Variants in ALPK1 observed in about 807,000 individuals in gnomAD.
ALPK1 encodes the protein alpha kinase 1, also known as alpha-protein kinase 1.
Under a neutral mutation model 120.6 loss-of-function variants are expected in ALPK1, and 110 were observed. The ratio of observed to expected loss-of-function variants is 0.91; its 90% CI spans 0.78 to 1.07. The LOEUF (loss-of-function observed/expected upper bound fraction) is 1.07, where lower values mean the gene tolerates loss of function less well. Among genes scored for constraint, ALPK1 ranks in the 50% least tolerant of loss-of-function variants. The pLI, the probability that ALPK1 is intolerant of heterozygous loss-of-function variation, is 0.00. For synonymous variants in ALPK1, 582 were observed against 560.3 expected (o/e 1.04, Z -0.55); for missense variants, 1,498 against 1,483.9 (o/e 1.01, Z -0.16).
intron 4 of ALPK1, among the ~76,000 whole-genome samples, chr4:112,386,339 C>G (rs568030763): frequency 1.3e-5 from 2 of 152,270 alleles, no homozygotes; most frequent in South Asian, 2.1e-4. Context: ...TCCGCGCTCT[C>G]CCAGAAAAAA....
intron 2 of ALPK1, among the ~76,000 whole-genome samples, chr4:112,349,602 A>G (rs894090441): frequency 8.1e-6 from 1 of 124,070 alleles, no homozygotes; most frequent in Non-Finnish European, 1.6e-5. Context: ...CACCCAGGCT[A>G]GAGTGCAGTG....
At chr4:112,433,005 C>T (rs377146860) in intron 11 of ALPK1, among the ~76,000 whole-genome samples, 32 of 152,328 alleles carry the variant, frequency 2.1e-4, no homozygotes, top group East Asian at 3.9e-4. Flanking sequence ...TCTTCTCCTT[C>T]GAGTCTTTTT....
At chr4:112,398,851 G>A (rs1197925912) in intron 4 of ALPK1, among the ~76,000 whole-genome samples, 1 of 152,154 alleles carries the variant, frequency 6.6e-6, no homozygotes, top group Non-Finnish European at 1.5e-5. Flanking sequence ...ATGATTTGCT[G>A]ATGGATTGGG....
chr4:112,304,930 G>A lies in ALPK1; in HGVS notation c.-153+7461G>A, dbSNP rs569197353. ...CCATCTTGAATTAATTTTTGTGTAAGGTGTAAGGAAGGGATCCAGTTTCAG... is the reference window on the plus strand; with the variant it reads ...CCATCTTGAATTAATTTTTGTGTAAAGTGTAAGGAAGGGATCCAGTTTCAG... On this transcript the variant is annotated intron_variant, in intron 1 of 15. Coordinates refer to ENST00000650871, the MANE Select transcript of ALPK1 (RefSeq NM_025144.4). Among the ~76,000 whole-genome samples the A allele has an allele frequency of 1.1e-3, 175 of 152,182 alleles. 5 individuals are homozygous for A. The highest frequency in any genetic ancestry group is 4.2e-3 in the African/African-American group (175 of 41,456).
At position 112,431,259 on chromosome 4, in the gene ALPK1, A is replaced by G. The variant is rs1734535717; in HGVS notation, c.1712A>G (p.Asn571Ser). 1 of 1,614,186 alleles carries G rather than the reference A, an allele frequency of 6.2e-7. No homozygotes were observed. The highest frequency in any genetic ancestry group is 8.5e-7 in the Non-Finnish European group (1 of 1,180,026). ...DYSNGEGAVF[N>S]KSLSGSQTSS... is the part of the protein sequence containing the mutation. The stretch of plus-strand genomic sequence containing the variant: ...AGCAATGGTGAGGGAGCTGTTTTCA[A>G]CAAGTCTCTGAGTGGCAGCCAGACT... Residue 571 changes from asparagine (N) to serine (S), a missense_variant, in exon 11 of 16, where the codon AAC (asparagine) becomes AGC (serine). Transcript: ENST00000650871.
At chr4:112,382,658 A>G (rs769535363) in intron 4 of ALPK1, 106 bp downstream of exon 4, 8 of 1,476,146 alleles carry the variant, frequency 5.4e-6, no homozygotes, top group Admixed American at 1.7e-5. Flanking sequence ...ACAGCCCCCT[A>G]CCCTTATGCT....
In ALPK1 at chr4:112,387,371, C is replaced by T. The variant is rs566788721; in HGVS notation, c.276+4819C>T. Among the ~76,000 whole-genome samples, 12 of 152,342 alleles carry T rather than the reference C, an allele frequency of 7.9e-5. 1 individual carries two copies. The South Asian group carries it at 2.5e-3, about 32-fold the overall frequency. ...GCTGTGTGATAGCCCTGAGTTTGAA[C>T]ATTCCCTGCACAGGTTTGGGGGTCC... On this transcript the variant is annotated intron_variant, in intron 4 of 15. Coordinates refer to ENST00000650871, the MANE Select transcript of ALPK1 (RefSeq NM_025144.4).
intron 2 of ALPK1, among the ~76,000 whole-genome samples, chr4:112,345,440 A>G (rs1730059786): frequency 6.6e-6 from 1 of 152,240 alleles, no homozygotes; most frequent in Non-Finnish European, 1.5e-5. Context: ...CCAAATATGC[A>G]TAATCTGGAC....
chr4:112,429,855 G>GAAA (rs1344736398), intron 10 of ALPK1, among the ~76,000 whole-genome samples: 2 of 42,868 alleles, frequency 4.7e-5, no homozygotes, highest in Non-Finnish European at 9.4e-5. Flanking sequence ...AAAAAAAAAA[G>GAAA]AAAAGAAAAG....
intron 4 of ALPK1, among the ~76,000 whole-genome samples, chr4:112,403,350 C>T (rs941234875): frequency 4.6e-5 from 7 of 152,096 alleles, no homozygotes; most frequent in Non-Finnish European, 8.8e-5. Flanking sequence ...CACGACAGAG[C>T]GGCTGCAAGA....
At chr4:112,439,573 T>G (rs1216525747) in intron 13 of ALPK1, 113 bp from the exon 14 acceptor site, 10 of 771,416 alleles carry the variant, frequency 1.3e-5, no homozygotes, top group Non-Finnish European at 1.8e-5. Flanking sequence ...ATGATGAAAT[T>G]GAAGCTCAGA....
chr4:112,356,590 A>C (rs1730628831), intron 2 of ALPK1: 2 of 783,300 alleles, frequency 2.6e-6, no homozygotes, highest in Non-Finnish European at 4.6e-6. Context: ...AAGAAGCAGG[A>C]GAGTAACCAC....
intron 10 of ALPK1, among the ~76,000 whole-genome samples, chr4:112,429,865 GAGAAAA>G (rs1484699906): frequency 1.2e-4 from 16 of 131,274 alleles, no homozygotes; most frequent in Non-Finnish European, 1.6e-4. Flanking sequence ...GAAAAGAAAA[GAGAAAA>G]AGAAAAAGAA....
chr4:112,369,766 A>G (rs1273220581), intron 2 of ALPK1, among the ~76,000 whole-genome samples: 1 of 152,250 alleles, frequency 6.6e-6, no homozygotes, highest in African/African-American at 2.4e-5. Flanking sequence ...CTTGCTTATG[A>G]ATCTAACCAA....
chr4:112,414,634 A>G (rs917800483), intron 5 of ALPK1: 3 of 181,046 alleles, frequency 1.7e-5, no homozygotes. Context: ...GAGACGACTC[A>G]CAAGGCCTGC....
chr4:112,378,140 G>A (rs1018288330), intron 3 of ALPK1, among the ~76,000 whole-genome samples: 1 of 152,150 alleles, frequency 6.6e-6, no homozygotes, highest in Non-Finnish European at 1.5e-5. Flanking sequence ...TAAACATGAG[G>A]CTACAAGAAA....
At chr4:112,362,788 G>T in intron 2 of ALPK1, among the ~76,000 whole-genome samples, 1 of 152,178 alleles carries the variant, frequency 6.6e-6, no homozygotes, top group East Asian at 1.9e-4. Context: ...TAGTCATCAG[G>T]TTATCTAAAG....
chr4:112,305,645 TG>T (rs1363386931), intron 1 of ALPK1, among the ~76,000 whole-genome samples: 1 of 152,124 alleles, frequency 6.6e-6, no homozygotes, highest in Non-Finnish European at 1.5e-5. Context: ...AAGGAGATTT[TG>T]GGCTGAGACG....
At chr4:112,327,380 C>T (rs2051776) in intron 2 of ALPK1, among the ~76,000 whole-genome samples, 105,062 of 152,100 alleles carry the variant, frequency 0.69, 36,508 homozygotes, top group East Asian at 0.89. Flanking sequence ...ATGGTGGGTA[C>T]TGTTAGGATT....
Sources: gnomAD v4.1 joint callset for allele counts (sites outside exome capture counted in the v4.1 genomes callset) on GRCh38, gnomAD v4.1.1 for gene constraint, MANE v1.5 for transcripts, NCBI Gene and HGNC (gene_info 2026-07-23, HGNC 2026-07-21) for gene names.